Variants in PRKN observed in about 807,000 individuals in gnomAD.
The protein encoded by PRKN is E3 ubiquitin-protein ligase parkin.
In PRKN, 56 loss-of-function variants were observed where a neutral mutation model predicts 59.5. That is an observed-to-expected ratio of 0.94 (90% CI 0.76 to 1.18). PRKN has a LOEUF of 1.18. PRKN is among the 50% of genes most tolerant of loss of function. The probability of loss-of-function intolerance (pLI) is 0.00; values close to 1 mark genes in which losing one functional copy is unlikely to be tolerated. For missense variants in PRKN, 657 were observed against 596.4 expected (o/e 1.10, Z -1.06); for synonymous variants, 250 against 222.1 (o/e 1.13, Z -1.12).
At chr6:161,489,921 G>A (rs1223623934) in intron 9 of PRKN, among the ~76,000 whole-genome samples, 4 of 152,148 alleles carry the variant, frequency 2.6e-5, no homozygotes, top group East Asian at 3.9e-4. Flanking sequence ...TTTGAGTTCC[G>A]ATGGCTCCTG....
chr6:162,563,070 A>G (rs1375783807), intron 1 of PRKN, among the ~76,000 whole-genome samples: 1 of 152,168 alleles, frequency 6.6e-6, no homozygotes, highest in African/African-American at 2.4e-5. Flanking sequence ...TGGGAGGCCG[A>G]GGCGGGCGGA....
chr6:162,304,489 TTCTATCTATCTATCTATCTA>T lies in PRKN; in HGVS notation c.172-41744_172-41725del, dbSNP rs6149895. ...AAAATGTAATGCTTGACTCATCCAGTTCTATCTATCTATCTATCTATCTATCTATCTATCTATCTATCTAT... is the reference window on the plus strand; with the variant it reads ...AAAATGTAATGCTTGACTCATCCAGTTCTATCTATCTATCTATCTATCTAT... On this transcript the variant is annotated intron_variant, in intron 2 of 11. Transcript: ENST00000366898. 8.6e-4 allele frequency among the ~76,000 whole-genome samples: 111 copies of T among 128,648 alleles called. 7 individuals are homozygous for T. Among genetic ancestry groups the T allele is most frequent in the African/African-American group, 1.1e-3 (32 of 28,530 alleles). The allele number at this position is 128,648 out of a possible 152,430, so 84.4% of individuals were successfully genotyped here. A position where few individuals can be genotyped will look rare whatever the true frequency, so the allele number is the denominator to read the frequency against.
chr6:162,320,449 A>G (rs1359003252), intron 2 of PRKN, among the ~76,000 whole-genome samples: 2 of 148,246 alleles, frequency 1.3e-5, no homozygotes, highest in African/African-American at 4.9e-5. Context: ...CAAAATTTCA[A>G]GATACTTCAC....
chr6:162,415,136 G>C (rs1201810428), intron 2 of PRKN, among the ~76,000 whole-genome samples: 1 of 152,154 alleles, frequency 6.6e-6, no homozygotes, highest in African/African-American at 2.4e-5. Context: ...ATCAATTCCA[G>C]GTTCACCTTG....
chr6:162,429,264 T>A (rs1789392981), intron 2 of PRKN, among the ~76,000 whole-genome samples: 2 of 152,190 alleles, frequency 1.3e-5, no homozygotes, highest in Non-Finnish European at 2.9e-5. Context: ...TTTTAGCACG[T>A]GGCTTTTATC....
Position 161,672,969 on chromosome 6 carries a change from A to G in PRKN, c.872-103553T>C, listed in dbSNP as rs1025109711. ...CATCAAATGACAGTATCAATGGAAC[A>G]TGCACAACCGAAAAGGATCTCGGCC... On this transcript the variant is annotated intron_variant, in intron 7 of 11. Transcript: ENST00000366898. 3.9e-5 allele frequency among the ~76,000 whole-genome samples: 6 copies of G among 152,328 alleles called. No homozygotes were observed. The East Asian group carries it at 9.6e-4, about 24-fold the overall frequency.
At position 162,026,857 on chromosome 6, in the gene PRKN, T is replaced by C. The variant is rs181840179; in HGVS notation, c.618+27234A>G. Reference sequence around the variant, plus strand: ...AAGTTGCCAGAGTCATGTTGCTTAATAGCTTGCTTTTCATAAAATAATGAT... The same window carrying C: ...AAGTTGCCAGAGTCATGTTGCTTAACAGCTTGCTTTTCATAAAATAATGAT... On this transcript the variant is annotated intron_variant, in intron 5 of 11. Coordinates refer to ENST00000366898, the MANE Select transcript of PRKN (RefSeq NM_004562.3). Among the ~76,000 whole-genome samples, 4 of 152,324 alleles carry C rather than the reference T, an allele frequency of 2.6e-5. No individual in the cohort carries two copies. The East Asian group carries it at 7.7e-4, about 29-fold the overall frequency.
At chr6:162,550,208 T>C (rs980226695) in intron 1 of PRKN, among the ~76,000 whole-genome samples, 4 of 152,188 alleles carry the variant, frequency 2.6e-5, no homozygotes, top group Admixed American at 6.5e-5. Context: ...TTGTAAAATA[T>C]CACAGTAGCT....
intron 9 of PRKN, among the ~76,000 whole-genome samples, chr6:161,537,478 T>C (rs112159579): frequency 6.6e-6 from 1 of 151,590 alleles, no homozygotes; most frequent in South Asian, 2.1e-4. Flanking sequence ...TTGAGATGGA[T>C]TCTTGCTCTG....
intron 1 of PRKN, among the ~76,000 whole-genome samples, chr6:162,635,380 A>G (rs1476314778): frequency 6.6e-6 from 1 of 152,180 alleles, no homozygotes; most frequent in Non-Finnish European, 1.5e-5. Context: ...GTGCAATGAA[A>G]TGTTTGGCTT....
At chr6:161,967,500 T>C (rs1350671659) in intron 6 of PRKN, among the ~76,000 whole-genome samples, 2 of 152,224 alleles carry the variant, frequency 1.3e-5, no homozygotes, top group African/African-American at 4.8e-5. Flanking sequence ...GGTATTCTCT[T>C]AAGGTCAAAA....
At chr6:162,274,544 G>A (rs1780533147) in intron 2 of PRKN, among the ~76,000 whole-genome samples, 2 of 152,050 alleles carry the variant, frequency 1.3e-5, no homozygotes, top group African/African-American at 2.4e-5. Context: ...CTTTTAAAGT[G>A]TATAATTCAG....
At chr6:161,436,274 G>A (rs75992512) in intron 9 of PRKN, among the ~76,000 whole-genome samples, 1 of 73,572 alleles carries the variant, frequency 1.4e-5, no homozygotes, top group Non-Finnish European at 2.7e-5. Flanking sequence ...GAGCAGGGGA[G>A]TGGAATGGGA....
rs577097532 is a variant in PRKN, at chr6:162,272,298, C to T, written c.172-9533G>A. Among the ~76,000 whole-genome samples the T allele has an allele frequency of 5.9e-5, 9 of 152,220 alleles. No homozygotes were observed. In the South Asian group the frequency reaches 1.7e-3, roughly 28 times the overall value. ...ATCACCAAAGCTATGCCCATTAAAC[C>T]CACTTTAAAATTGTGTTTTATATTG... On this transcript the variant is annotated intron_variant, in intron 2 of 11. Transcript: ENST00000366898.
Position 161,973,234 on chromosome 6 carries a change from A to G in PRKN, c.734+68T>C. 7 of 962,192 alleles carry G rather than the reference A, an allele frequency of 7.3e-6. No homozygotes were observed. The South Asian group carries it at 7.8e-5, about 11-fold the overall frequency. The allele number at this position is 962,192 out of a possible 1,614,324, so 59.6% of individuals were successfully genotyped here. On this transcript the variant is annotated intron_variant, in intron 6 of 11. Transcript: ENST00000366898. ...AATATTGGGAAAGTAAGGAGGGGGG[A>G]GTGATGCTATTTTTAGATCCTTACC...
At chr6:161,818,456 C>A (rs1429312550) in intron 6 of PRKN, among the ~76,000 whole-genome samples, 2 of 151,998 alleles carry the variant, frequency 1.3e-5, no homozygotes, top group Middle Eastern at 3.2e-3. Flanking sequence ...CCTCAGCCTC[C>A]TAATTAGCTG....
intron 6 of PRKN, among the ~76,000 whole-genome samples, chr6:161,792,134 A>G (rs959003861): frequency 2.0e-5 from 3 of 152,220 alleles, no homozygotes; most frequent in African/African-American, 7.2e-5. Flanking sequence ...CTATAACTGC[A>G]TGAGATACCC....
intron 9 of PRKN, among the ~76,000 whole-genome samples, chr6:161,486,832 T>C (rs762895561): frequency 6.6e-6 from 1 of 152,222 alleles, no homozygotes; most frequent in Non-Finnish European, 1.5e-5. Context: ...CAGAATGAAT[T>C]GTGCATTCCA....
chr6:162,210,798 G>C (rs949039645), intron 3 of PRKN, among the ~76,000 whole-genome samples: 1 of 151,952 alleles, frequency 6.6e-6, no homozygotes, highest in African/African-American at 2.4e-5. Flanking sequence ...TAGTCCAGTT[G>C]ATAAAATTTT....
Sources: allele counts gnomAD v4.1 joint callset (sites outside exome capture counted in the v4.1 genomes callset), GRCh38; gene constraint gnomAD v4.1.1; transcripts MANE v1.5; gene names NCBI Gene and HGNC (gene_info 2026-07-23, HGNC 2026-07-21).